Variants in CPED1 observed in about 807,000 individuals in gnomAD.
CPED1 encodes the protein cadherin-like and PC-esterase domain-containing protein 1.
CPED1 carries 114 observed loss-of-function variants against 128.2 expected under a neutral mutation model. The observed-to-expected ratio is 0.89, with a 90% confidence interval of 0.76 to 1.04. CPED1 has a LOEUF of 1.04. Among genes scored for constraint, CPED1 ranks in the 50% least tolerant of loss-of-function variants. The pLI is 0.00. For synonymous variants in CPED1, 462 were observed against 426.7 expected, an observed-to-expected ratio of 1.08 and a Z score of -1.02; for missense variants, 1,211 against 1,207.1, an observed-to-expected ratio of 1.00 and a Z score of -0.05.
At chr7:121,283,909 G>T (rs1792510998) in intron 22 of CPED1, among the ~76,000 whole-genome samples, 1 of 152,124 alleles carries the variant, frequency 6.6e-6, no homozygotes, top group Non-Finnish European at 1.5e-5. Context: ...GGGCTCCAAT[G>T]AGTTATACTG....
chr7:121,261,847 A>C (rs903538980), intron 18 of CPED1: 3 of 862,228 alleles, frequency 3.5e-6, no homozygotes, highest in Non-Finnish European at 5.5e-6. Context: ...TATCTCACCT[A>C]ATACAGGGAC....
intron 16 of CPED1, among the ~76,000 whole-genome samples, chr7:121,185,701 C>T (rs1398373499): frequency 6.6e-6 from 1 of 152,206 alleles, no homozygotes; most frequent in Non-Finnish European, 1.5e-5. Flanking sequence ...CAAGCAACTA[C>T]ACTCCGTGAA....
At chr7:121,208,901 T>C (rs868282685) in intron 16 of CPED1, among the ~76,000 whole-genome samples, 9 of 152,062 alleles carry the variant, frequency 5.9e-5, no homozygotes, top group African/African-American at 1.9e-4. Context: ...TGAATAATGA[T>C]GTGCAGGAAA....
intron 16 of CPED1, among the ~76,000 whole-genome samples, chr7:121,191,832 G>A (rs1009582912): frequency 2.0e-5 from 3 of 151,990 alleles, no homozygotes; most frequent in Non-Finnish European, 4.4e-5. Flanking sequence ...TTCCTTCAAC[G>A]TTATTTCCCT....
intron 18 of CPED1, among the ~76,000 whole-genome samples, chr7:121,246,443 G>A (rs1273610907): frequency 1.3e-5 from 2 of 152,222 alleles, no homozygotes; most frequent in Non-Finnish European, 2.9e-5. Flanking sequence ...CAAGGTGTCA[G>A]TATGGTCAGG....
At chr7:121,218,201 G>A (rs868062179) in intron 16 of CPED1, among the ~76,000 whole-genome samples, 21 of 149,030 alleles carry the variant, frequency 1.4e-4, no homozygotes, top group African/African-American at 4.7e-4. Context: ...TACCATGTTG[G>A]CCAGGCTGGT....
intron 12 of CPED1, 45 bp downstream of exon 12, chr7:121,130,339 A>G (rs1474664241): frequency 6.7e-7 from 1 of 1,497,220 alleles, no homozygotes; most frequent in South Asian, 1.3e-5. Flanking sequence ...AAAAATCTCT[A>G]GTTTACAGAT....
Position 121,295,607 on chromosome 7 carries a change from T to C in CPED1, c.3036T>C (p.Ser1012=). Residue 1012 remains serine (S), a synonymous_variant, in exon 23 of 23, where the codon TCT becomes TCC. Coordinates refer to ENST00000310396, the MANE Select transcript of CPED1 (RefSeq NM_024913.5). ...HVRGPINQVC[S]EILLSRMCAN... ...GAGGTCCAATAAATCAGGTTTGTTC[T>C]GAAATCCTTCTCAGCAGGATGTGTG... is the stretch of plus-strand genomic sequence containing the variant. The C allele has an allele frequency of 1.2e-6, 2 of 1,614,114 alleles. No individual in the cohort carries two copies. The highest frequency in any genetic ancestry group is 1.7e-6 in the Non-Finnish European group (2 of 1,179,946).
chr7:121,203,028 A>G (rs1425067509), intron 16 of CPED1, among the ~76,000 whole-genome samples: 4 of 151,980 alleles, frequency 2.6e-5, no homozygotes, highest in Non-Finnish European at 5.9e-5. Context: ...CTATTTTAAG[A>G]CCCACTGACT....
At chr7:121,251,846 C>T (rs1798679802) in intron 18 of CPED1, among the ~76,000 whole-genome samples, 1 of 148,906 alleles carries the variant, frequency 6.7e-6, no homozygotes, top group Non-Finnish European at 1.5e-5. Flanking sequence ...ATTCCATGCT[C>T]ATGGGTAGGA....
chr7:121,025,392 G>C (rs1782059562), intron 3 of CPED1, among the ~76,000 whole-genome samples: 1 of 151,848 alleles, frequency 6.6e-6, no homozygotes. Flanking sequence ...CAATATTTTT[G>C]GTATTAGAAT....
chr7:121,144,575 CA>C (rs1401756759), intron 16 of CPED1, among the ~76,000 whole-genome samples: 2 of 151,666 alleles, frequency 1.3e-5, no homozygotes, highest in African/African-American at 4.8e-5. Context: ...TTAATGGGCA[CA>C]AAAACACCAA....
At chr7:121,067,442 TTCA>T (rs1409404537) in intron 5 of CPED1, among the ~76,000 whole-genome samples, 2 of 152,108 alleles carry the variant, frequency 1.3e-5, no homozygotes, top group Non-Finnish European at 1.5e-5. Flanking sequence ...AGGACATGAA[TTCA>T]TCATTTTTTA....
intron 16 of CPED1, among the ~76,000 whole-genome samples, chr7:121,171,150 A>T (rs920942200): frequency 6.6e-6 from 1 of 152,184 alleles, no homozygotes; most frequent in African/African-American, 2.4e-5. Context: ...TGTCATCATT[A>T]AATGATTTGT....
chr7:121,108,562 A>G (rs950346494), intron 7 of CPED1, among the ~76,000 whole-genome samples: 4 of 152,144 alleles, frequency 2.6e-5, no homozygotes, highest in African/African-American at 7.2e-5. Flanking sequence ...ACTTGTGAGT[A>G]TACATTTAAG....
At chr7:121,031,251 A>G (rs375428266) in intron 3 of CPED1, among the ~76,000 whole-genome samples, 1 of 152,202 alleles carries the variant, frequency 6.6e-6, no homozygotes, top group African/African-American at 2.4e-5. Flanking sequence ...GAGTTATAAT[A>G]CAAAATTATT....
chr7:121,243,327 GAAAA>G (rs1000890395), intron 17 of CPED1, among the ~76,000 whole-genome samples: 1 of 147,530 alleles, frequency 6.8e-6, no homozygotes, highest in South Asian at 2.2e-4. Context: ...GATGAACAAG[GAAAA>G]AAAAACAAAA....
intron 16 of CPED1, among the ~76,000 whole-genome samples, chr7:121,235,861 G>A (rs1381800621): frequency 6.6e-6 from 1 of 152,122 alleles, no homozygotes; most frequent in African/African-American, 2.4e-5. Flanking sequence ...ACCTTGCTGA[G>A]ACCTAAAATA....
intron 16 of CPED1, among the ~76,000 whole-genome samples, chr7:121,182,746 G>C (rs748482605): frequency 6.6e-6 from 1 of 151,980 alleles, no homozygotes; most frequent in African/African-American, 2.4e-5. Flanking sequence ...TTGCTATTGG[G>C]ATTACTTTGG....
Sources: gnomAD v4.1 joint callset for allele counts (sites outside exome capture counted in the v4.1 genomes callset) on GRCh38, gnomAD v4.1.1 for gene constraint, MANE v1.5 for transcripts, NCBI Gene and HGNC (gene_info 2026-07-23, HGNC 2026-07-21) for gene names.